OR8J3: variants seen among roughly 807,000 people sequenced by gnomAD.
The protein encoded by OR8J3 is olfactory receptor family 8 subfamily J member 3.
For missense variants in OR8J3, 418 were observed against 379.8 expected, an observed-to-expected ratio of 1.10 and a Z score of -0.84; for synonymous variants, 170 against 142.6, an observed-to-expected ratio of 1.19 and a Z score of -1.37.
At position 56,138,425 on chromosome 11, in the gene OR8J3, T is replaced by C. The variant is rs1176368287; in HGVS notation, c.-707A>G. The C allele has an allele frequency of 2.6e-5, 4 of 152,130 alleles. No homozygotes were observed. The highest frequency in any genetic ancestry group is 9.7e-5 in the African/African-American group (4 of 41,398). 9.4% of individuals were successfully genotyped at this position (152,130 alleles called of 1,614,324 possible). Reference sequence around the variant, plus strand: ...GCTCAAACCGGTAATCCCAGCACTTTGGGAGGCCGAGGCGGGCAGATCATG... The same window carrying C: ...GCTCAAACCGGTAATCCCAGCACTTCGGGAGGCCGAGGCGGGCAGATCATG... On this transcript the variant is annotated 5_prime_UTR_variant, in exon 2 of 2. Coordinates refer to ENST00000642058, the MANE Select transcript of OR8J3 (RefSeq NM_001004064.2).
In OR8J3 at chr11:56,138,268, T is replaced by G. The variant is rs968789029; in HGVS notation, c.-550A>C. ...TACAACATGCATGTTTGTTTACTAC[T>G]TTTTCTCTTTCCATTTTATTAACTC... On this transcript the variant is annotated 5_prime_UTR_variant, in exon 2 of 2. Coordinates refer to ENST00000642058, the MANE Select transcript of OR8J3 (RefSeq NM_001004064.2). 6.6e-6 allele frequency: 1 copy of G among 152,296 alleles called. No individual in the cohort carries two copies. The highest frequency in any genetic ancestry group is 2.4e-5 in the African/African-American group (1 of 41,470). 9.4% of individuals were successfully genotyped at this position (152,296 alleles called of 1,614,324 possible). A position where few individuals can be genotyped will look rare whatever the true frequency, so the allele number is the denominator to read the frequency against.
Position 56,135,638 on chromosome 11 carries a change from A to T in OR8J3, c.*1133T>A, listed in dbSNP as rs1854323297. 6.6e-6 allele frequency: 1 copy of T among 152,004 alleles called. No individual in the cohort carries two copies. Among genetic ancestry groups the T allele is most frequent in the Non-Finnish European group, 1.5e-5 (1 of 67,880 alleles). 9.4% of individuals were successfully genotyped at this position (152,004 alleles called of 1,614,324 possible). ...TATTCATAATTATTCATGACTGAAG[A>T]TTTAGTTTCTTTGGTCCTTTAGTCC... On this transcript the variant is annotated 3_prime_UTR_variant, in exon 2 of 2. Transcript: ENST00000642058.
chr11:56,136,855 C>G lies in OR8J3; in HGVS notation c.864G>C (p.Leu288Phe). 1.2e-6 allele frequency: 2 copies of G among 1,613,474 alleles called. No individual in the cohort carries two copies. The highest frequency in any genetic ancestry group is 1.7e-6 in the Non-Finnish European group (2 of 1,179,720). ...YTLVIPMLNP[L>F]IYSLRNNDVN... Reference sequence around the variant, plus strand: ...CATCATTATTCCTCAGGCTGTAGATCAAGGGATTCAGCATAGGAATCACCA... The same window carrying G: ...CATCATTATTCCTCAGGCTGTAGATGAAGGGATTCAGCATAGGAATCACCA... The change falls in exon 2 of 2, where the codon TTG (leucine) becomes TTC (phenylalanine). Residue 288 changes from leucine to phenylalanine, a missense_variant. Physicochemically the swap from Leu to Phe is conservative, Grantham distance 22. Coordinates refer to ENST00000642058, the MANE Select transcript of OR8J3 (RefSeq NM_001004064.2).
chr11:56,136,773 A>G lies in OR8J3; in HGVS notation c.946T>C (p.Ter316GlnextTer2), dbSNP rs1333764726. 5 of 1,501,386 alleles carry G rather than the reference A, an allele frequency of 3.3e-6. No homozygotes were observed. In the African/African-American group the frequency reaches 4.2e-5, roughly 13 times the overall value. 93.0% of individuals were successfully genotyped at this position (1,501,386 alleles called of 1,614,324 possible). Reference sequence around the variant, plus strand: ...CATTTATTTATAGAGCTCTAAAATTACATTGATTTAAAGGAGTAACATGGA... The same window carrying G: ...CATTTATTTATAGAGCTCTAAAATTGCATTGATTTAAAGGAGTAACATGGA... ...ENPCYSFKSM[*>Q] Residue 316 changes from the stop codon to glutamine (Q), a stop_lost, in exon 2 of 2, where the codon TAA becomes CAA. Transcript: ENST00000642058.
chr11:56,137,593 G>T lies in OR8J3; in HGVS notation c.126C>A (p.Asn42Lys). ...LVLYVLTMAGNLGIITLTSVD... is the reference protein window; with the variant it reads ...LVLYVLTMAGKLGIITLTSVD... ...CACTGGTGAGGGTGATGATGCCCAG[G>T]TTCCCTGCCATGGTCAGCACATAGA... The change falls in exon 2 of 2, where the codon AAC becomes AAA. Residue 42 changes from asparagine to lysine, a missense_variant. Transcript: ENST00000642058. 6.2e-7 allele frequency: 1 copy of T among 1,614,188 alleles called. No individual in the cohort carries two copies. Among genetic ancestry groups the T allele is most frequent in the Non-Finnish European group, 8.5e-7 (1 of 1,180,036 alleles).
At chr11:56,138,695 A>T (rs1590754323) in intron 1 of OR8J3, among the ~76,000 whole-genome samples, 198 bp from the exon 2 acceptor site, 2 of 14,322 alleles carry the variant, frequency 1.4e-4, no homozygotes, top group South Asian at 8.9e-3. Context: ...CTCCGTCTCA[A>T]AAAAAAAAAA....
chr11:56,139,298 T>C (rs1367333483), intron 1 of OR8J3, among the ~76,000 whole-genome samples: 1 of 151,940 alleles, frequency 6.6e-6, no homozygotes, highest in African/African-American at 2.4e-5. Flanking sequence ...CTAAAAGAGA[T>C]AGAATAGAAA....
intron 1 of OR8J3, among the ~76,000 whole-genome samples, 171 bp from the exon 2 acceptor site, chr11:56,138,668 T>G (rs1854360091): frequency 6.9e-6 from 1 of 144,772 alleles, no homozygotes; most frequent in Non-Finnish European, 1.5e-5. Flanking sequence ...CACTCCAGCC[T>G]GGGCGACAGA....
At position 56,137,060 on chromosome 11, in the gene OR8J3, T is replaced by C. The variant is rs1445978645; in HGVS notation, c.659A>G (p.Asn220Ser). The C allele has an allele frequency of 1.9e-6, 3 of 1,613,886 alleles. No individual in the cohort carries two copies. Among genetic ancestry groups the C allele is most frequent in the East Asian group, 2.2e-5 (1 of 44,858 alleles). The part of the protein sequence containing the change: ...SMITVLVSYF[N>S]IVLSILRIRS... ...TATCCTTAGAATGGACAAAACAATA[T>C]TGAAATAAGATACTAGAACTGTAAT... The change falls in exon 2 of 2, where the codon AAT becomes AGT. Residue 220 changes from asparagine to serine, a missense_variant. Coordinates refer to ENST00000642058, the MANE Select transcript of OR8J3 (RefSeq NM_001004064.2).
At position 56,137,544 on chromosome 11, in the gene OR8J3, TG is replaced by T. The variant is rs749744237; in HGVS notation, c.174del (p.Met59CysfsTer5). On this transcript the variant is annotated frameshift_variant, in exon 2 of 2. Transcript: ENST00000642058. LOFTEE classifies it low-confidence loss of function (END_TRUNC). ...GCTAGATGTCTCAGGAAAAAGTACATGGGGTTTTGAAGTCGAGAGTCAACAC... is the reference window on the plus strand; with the variant it reads ...GCTAGATGTCTCAGGAAAAAGTACATGGGTTTTGAAGTCGAGAGTCAACAC... ...LTSVDSRLQN[P>X]MYFFLRHLAI... 5.0e-6 allele frequency: 8 copies of T among 1,614,156 alleles called. No individual in the cohort carries two copies. Among genetic ancestry groups the T allele is most frequent in the Non-Finnish European group, 6.8e-6 (8 of 1,180,034 alleles).
intron 1 of OR8J3, among the ~76,000 whole-genome samples, chr11:56,139,449 T>C (rs2134686801): frequency 6.6e-6 from 1 of 152,310 alleles, no homozygotes; most frequent in Admixed American, 6.5e-5. Context: ...CAAGCATAAA[T>C]TTTTCCTGTG....
rs369307213 is a variant in OR8J3 at position 56,137,302 on chromosome 11, C to A, written c.417G>T (p.Arg139=). Residue 139 remains arginine (R), a synonymous_variant, in exon 2 of 2, where the codon CGG becomes CGT. Transcript: ENST00000642058. ...PLLYMVVVSR[R]LCLLLVSLTY... ...TGAGGGACACCAGCAGGAGGCAGAGCCGCCGAGACACCACCACCATGTAGA... is the reference window on the plus strand; with the variant it reads ...TGAGGGACACCAGCAGGAGGCAGAGACGCCGAGACACCACCACCATGTAGA... 2 of 1,613,854 alleles carry A rather than the reference C, an allele frequency of 1.2e-6. No homozygotes were observed. The highest frequency in any genetic ancestry group is 1.7e-6 in the Non-Finnish European group (2 of 1,179,992).
rs1335533682 is a variant in OR8J3 at position 56,136,072 on chromosome 11, A to C, written c.*699T>G. Reference sequence around the variant, plus strand: ...ACATTTGTTTTACCTATGAAGGATGAATGATATTTAGAGGAAGGAGAAAAG... The same window carrying C: ...ACATTTGTTTTACCTATGAAGGATGCATGATATTTAGAGGAAGGAGAAAAG... On this transcript the variant is annotated 3_prime_UTR_variant, in exon 2 of 2. Transcript: ENST00000642058. 2 of 152,036 alleles carry C rather than the reference A, an allele frequency of 1.3e-5. No homozygotes were observed. The highest frequency in any genetic ancestry group is 2.9e-5 in the Non-Finnish European group (2 of 67,924). The allele number at this position is 152,036 out of a possible 1,614,324, so 9.4% of individuals were successfully genotyped here. A position where few individuals can be genotyped will look rare whatever the true frequency, so the allele number is the denominator to read the frequency against.
chr11:56,138,679 G>C (rs965035305), intron 1 of OR8J3, among the ~76,000 whole-genome samples, 182 bp from the exon 2 acceptor site: 11 of 94,024 alleles, frequency 1.2e-4, no homozygotes, highest in African/African-American at 4.1e-4. Context: ...GGGCGACAGA[G>C]CGAGACTCCG....
intron 1 of OR8J3, among the ~76,000 whole-genome samples, chr11:56,139,937 A>G (rs933819383): frequency 3.3e-5 from 5 of 152,264 alleles, no homozygotes; most frequent in Non-Finnish European, 5.9e-5. Flanking sequence ...GTTCTTATAA[A>G]TGCTGTAACG....
chr11:56,137,548 G>A lies in OR8J3; in HGVS notation c.171C>T (p.Asn57=). Residue 57 remains asparagine, a synonymous_variant, in exon 2 of 2, where the codon AAC becomes AAT. Coordinates refer to ENST00000642058, the MANE Select transcript of OR8J3 (RefSeq NM_001004064.2). ...TLTSVDSRLQ[N]PMYFFLRHLA... ...GATGTCTCAGGAAAAAGTACATGGG[G>A]TTTTGAAGTCGAGAGTCAACACTGG... is the stretch of plus-strand genomic sequence containing the variant. The A allele has an allele frequency of 6.2e-7, 1 of 1,614,208 alleles. No homozygotes were observed. Among genetic ancestry groups the A allele is most frequent in the South Asian group, 1.1e-5 (1 of 91,080 alleles).
Position 56,136,946 on chromosome 11 carries a change from A to C in OR8J3, c.773T>G (p.Met258Arg). 1.2e-6 allele frequency: 2 copies of C among 1,614,032 alleles called. No homozygotes were observed. Among genetic ancestry groups the C allele is most frequent in the Non-Finnish European group, 1.7e-6 (2 of 1,179,970 alleles). ...GTGGTTGGTTTGGGGCTGCAAATAC[A>C]TAAATAGCATTGTCCCATAGAAAAC... ...VTVFYGTMLF[M>R]YLQPQTNHSL... The change falls in exon 2 of 2, where the codon ATG (methionine) becomes AGG (arginine). Residue 258 changes from methionine (M) to arginine (R), a missense_variant. By Grantham distance (91) the Met-to-Arg change is moderately conservative. Transcript: ENST00000642058.
At position 56,137,185 on chromosome 11, in the gene OR8J3, G is replaced by A; in HGVS notation, c.534C>T (p.Tyr178=). The A allele has an allele frequency of 1.2e-6, 2 of 1,613,942 alleles. No homozygotes were observed. The highest frequency in any genetic ancestry group is 1.1e-5 in the South Asian group (1 of 91,066). ...YCSSNIINHF[Y]CDIAPLLALS... ...ATGCTAACAGAGGTGCAATATCACA[G>A]TAAAAATGATTGATTATATTAGAAG... is the stretch of plus-strand genomic sequence containing the variant. Residue 178 remains tyrosine, a synonymous_variant, in exon 2 of 2, where the codon TAC becomes TAT. Transcript: ENST00000642058.
Position 56,134,787 on chromosome 11 carries a change from T to A in OR8J3, c.*1984A>T, listed in dbSNP as rs899201143. On this transcript the variant is annotated 3_prime_UTR_variant, in exon 2 of 2. Transcript: ENST00000642058. ...CTTTAGCATCAAAATAAAGTCATAT[T>A]TTCTGGAATACTCTTCACAATACCA... 1 of 152,044 alleles carries A rather than the reference T, an allele frequency of 6.6e-6. No homozygotes were observed. The highest frequency in any genetic ancestry group is 1.5e-5 in the Non-Finnish European group (1 of 67,918). The allele number at this position is 152,044 out of a possible 1,614,324, so 9.4% of individuals were successfully genotyped here.
Sources: gnomAD v4.1 joint callset for allele counts (sites outside exome capture counted in the v4.1 genomes callset) on GRCh38, gnomAD v4.1.1 for gene constraint, MANE v1.5 for transcripts, NCBI Gene and HGNC (gene_info 2026-07-23, HGNC 2026-07-21) for gene names.